ROBO2: variants seen among roughly 807,000 people sequenced by gnomAD.
ROBO2 encodes roundabout homolog 2.
In ROBO2, 53 loss-of-function variants were observed where a neutral mutation model predicts 160.8. That is an observed-to-expected ratio of 0.33 (90% confidence interval 0.26 to 0.41). ROBO2 has a LOEUF of 0.41. ROBO2 is among the 10% of genes least tolerant of loss of function. The pLI is 1.00. For synonymous variants in ROBO2, 664 were observed against 611.7 expected, an observed-to-expected ratio of 1.09 and a Z score of -1.26; for missense variants, 1,577 against 1,722.4, an observed-to-expected ratio of 0.92 and a Z score of 1.49.
intron 2 of ROBO2, among the ~76,000 whole-genome samples, chr3:76,025,021 GT>G (rs1272699365): frequency 6.7e-6 from 1 of 150,194 alleles, no homozygotes; most frequent in African/African-American, 2.5e-5. Flanking sequence ...ATTCTCTACA[GT>G]TTTTTATATA....
intron 2 of ROBO2, among the ~76,000 whole-genome samples, chr3:76,259,436 T>C (rs1234418615): frequency 2.0e-5 from 3 of 152,130 alleles, no homozygotes; most frequent in Admixed American, 2.0e-4. Context: ...CAAATGTTTA[T>C]TCAAATCCAA....
intron 2 of ROBO2, among the ~76,000 whole-genome samples, chr3:76,354,469 A>T (rs1236961078): frequency 6.6e-6 from 1 of 151,940 alleles, no homozygotes; most frequent in Non-Finnish European, 1.5e-5. Flanking sequence ...AATTATTATT[A>T]AAATGCTAAT....
intron 1 of ROBO2, among the ~76,000 whole-genome samples, chr3:77,059,162 T>C (rs1023267334): frequency 9.2e-5 from 14 of 152,096 alleles, no homozygotes; most frequent in African/African-American, 3.4e-4. Context: ...ACAATTATGT[T>C]GAGGACTGGA....
intron 2 of ROBO2, among the ~76,000 whole-genome samples, chr3:76,686,428 C>T (rs1274965375): frequency 6.7e-6 from 1 of 148,622 alleles, no homozygotes; most frequent in Non-Finnish European, 1.5e-5. Flanking sequence ...GCTAAATTCT[C>T]ATACACCAAC....
At chr3:76,018,878 T>G (rs1052670367) in intron 2 of ROBO2, among the ~76,000 whole-genome samples, 1 of 152,016 alleles carries the variant, frequency 6.6e-6, no homozygotes, top group African/African-American at 2.4e-5. Context: ...TGGCTAATAT[T>G]TGCATTATGG....
rs544849019 is a variant in ROBO2 at position 76,167,464 on chromosome 3, A to G, written c.109+229862A>G. On this transcript the variant is annotated intron_variant, in intron 2 of 26. Transcript: ENST00000487694. The stretch of plus-strand genomic sequence containing the variant: ...GACAATGTCCCTCTGGATTAAATTT[A>G]TCTTCTTCGGTGTCCATGTTATCTT... Among the ~76,000 whole-genome samples the G allele has an allele frequency of 3.6e-3, 555 of 152,234 alleles. 7 individuals are homozygous for G. The highest frequency in any genetic ancestry group is 6.0e-3 in the Non-Finnish European group (408 of 68,022).
intron 2 of ROBO2, among the ~76,000 whole-genome samples, chr3:75,961,854 GA>G (rs927083243): frequency 1.3e-5 from 2 of 151,000 alleles, no homozygotes; most frequent in Non-Finnish European, 3.0e-5. Flanking sequence ...TGAAAGTAGG[GA>G]AAGAAATATG....
chr3:76,089,759 T>G (rs2069154126), intron 2 of ROBO2, among the ~76,000 whole-genome samples: 1 of 152,162 alleles, frequency 6.6e-6, no homozygotes, highest in Admixed American at 6.5e-5. Context: ...AGCTTCCTCA[T>G]TAAGATCAGG....
chr3:77,461,269 AT>A (rs2082215028), intron 2 of ROBO2, among the ~76,000 whole-genome samples: 1 of 152,044 alleles, frequency 6.6e-6, no homozygotes, highest in Non-Finnish European at 1.5e-5. Context: ...TTTTCTTTAC[AT>A]CATATTACAG....
chr3:76,948,902 ATATATATTT>A (rs1395810981), intron 2 of ROBO2, among the ~76,000 whole-genome samples: 336 of 42,720 alleles, frequency 7.9e-3, no homozygotes, highest in Admixed American at 0.046. Flanking sequence ...ATATATATAT[ATATATATTT>A]TTTTTTTTTT....
intron 2 of ROBO2, chr3:76,311,391 C>T (rs2071575667): frequency 6.6e-6 from 1 of 152,162 alleles, no homozygotes; most frequent in Admixed American, 6.5e-5. Flanking sequence ...ACCCGGACCC[C>T]CTGGAAAGGA....
chr3:76,101,120 C>T (rs1269615726), intron 2 of ROBO2, among the ~76,000 whole-genome samples: 1 of 151,880 alleles, frequency 6.6e-6, no homozygotes, highest in Non-Finnish European at 1.5e-5. Context: ...CAGGTCCTGT[C>T]CAGAAAGCCG....
intron 2 of ROBO2, among the ~76,000 whole-genome samples, chr3:76,579,548 G>A (rs1198167224): frequency 6.6e-6 from 1 of 151,944 alleles, no homozygotes; most frequent in Admixed American, 6.6e-5. Context: ...CACATATCAA[G>A]TATGCTATAC....
At chr3:76,189,443 T>C (rs1701908435) in intron 2 of ROBO2, among the ~76,000 whole-genome samples, 2 of 152,142 alleles carry the variant, frequency 1.3e-5, no homozygotes, top group African/African-American at 4.8e-5. Flanking sequence ...GAAAGTATCA[T>C]AGACAGCATC....
At chr3:76,498,378 A>G (rs1465613359) in intron 2 of ROBO2, among the ~76,000 whole-genome samples, 1 of 152,106 alleles carries the variant, frequency 6.6e-6, no homozygotes, top group Non-Finnish European at 1.5e-5. Context: ...CAAAAGATGT[A>G]TTGTACAATG....
intron 2 of ROBO2, among the ~76,000 whole-genome samples, chr3:77,305,685 T>C (rs1471312850): frequency 6.6e-6 from 1 of 152,186 alleles, no homozygotes; most frequent in Non-Finnish European, 1.5e-5. Context: ...TCTGCACCGA[T>C]TTTGTCATTT....
At chr3:76,740,584 T>C (rs1390456942) in intron 2 of ROBO2, among the ~76,000 whole-genome samples, 2 of 152,178 alleles carry the variant, frequency 1.3e-5, no homozygotes, top group Non-Finnish European at 1.5e-5. Context: ...TTTACATGCA[T>C]AAAAAGCTTT....
At chr3:77,425,288 A>G (rs930149096) in intron 2 of ROBO2, among the ~76,000 whole-genome samples, 3 of 152,166 alleles carry the variant, frequency 2.0e-5, no homozygotes, top group African/African-American at 4.8e-5. Flanking sequence ...AAATATACAC[A>G]TTGCAAATTG....
chr3:76,931,838 G>T, intron 2 of ROBO2, among the ~76,000 whole-genome samples: 1 of 151,636 alleles, frequency 6.6e-6, no homozygotes, highest in East Asian at 1.9e-4. Flanking sequence ...CTGCCACCAC[G>T]CCTGGCTAAT....
Sources: allele counts gnomAD v4.1 joint callset (sites outside exome capture counted in the v4.1 genomes callset), GRCh38; gene constraint gnomAD v4.1.1; transcripts MANE v1.5; gene names NCBI Gene and HGNC (gene_info 2026-07-23, HGNC 2026-07-21).